The following CCDC91 variants were observed in gnomAD, a reference collection of about 807,000 sequenced individuals.
The protein encoded by CCDC91 is coiled-coil domain containing 91, also known as coiled-coil domain-containing protein 91.
In CCDC91, 48 loss-of-function variants were observed where a neutral mutation model predicts 63.2. That is an observed-to-expected ratio of 0.76 (90% CI 0.60 to 0.97). CCDC91 has a LOEUF of 0.97. CCDC91 is among the 50% of genes least tolerant of loss of function. The probability of loss-of-function intolerance (pLI) is 0.00; values close to 1 mark genes in which losing one functional copy is unlikely to be tolerated. For synonymous variants in CCDC91, 167 were observed against 165.8 expected (o/e 1.01, Z -0.06); for missense variants, 500 against 494.6 (o/e 1.01, Z -0.10).
intron 12 of CCDC91, among the ~76,000 whole-genome samples, chr12:28,531,975 T>C (rs1226397862): frequency 6.6e-6 from 1 of 152,108 alleles, no homozygotes; most frequent in Admixed American, 6.6e-5. Flanking sequence ...TGGGGTGCTC[T>C]TTTAGATAAA....
chr12:28,266,673 A>G (rs1006326194), intron 3 of CCDC91, among the ~76,000 whole-genome samples: 4 of 151,918 alleles, frequency 2.6e-5, no homozygotes, highest in African/African-American at 9.7e-5. Flanking sequence ...TATCTGTTCT[A>G]TCTGAATCTG....
chr12:28,357,034 T>C (rs1943572246), intron 6 of CCDC91, among the ~76,000 whole-genome samples: 1 of 152,218 alleles, frequency 6.6e-6, no homozygotes, highest in South Asian at 2.1e-4. Context: ...GTAGAGGTTC[T>C]ACTTGGCTTG....
intron 1 of CCDC91, among the ~76,000 whole-genome samples, chr12:28,209,047 C>T (rs2135491015): frequency 6.6e-6 from 1 of 152,120 alleles, no homozygotes; most frequent in South Asian, 2.1e-4. Context: ...ACCTCATGAT[C>T]TGCCTGCCTC....
rs566744994 is a variant in CCDC91, at chr12:28,250,424, G to A, written c.-14-6778G>A. Among the ~76,000 whole-genome samples, 18 of 152,234 alleles carry A rather than the reference G, an allele frequency of 1.2e-4. 1 individual carries two copies. The South Asian group carries it at 3.1e-3, about 26-fold the overall frequency. ...AGTTTCACTGGTAGTAGAATTCATA[G>A]TATGGCAATACTTCTTTAATTCAGC... On this transcript the variant is annotated intron_variant, in intron 1 of 12. Coordinates refer to ENST00000536442, the MANE Select transcript of CCDC91 (RefSeq NM_018318.5).
intron 3 of CCDC91, among the ~76,000 whole-genome samples, chr12:28,271,601 T>C (rs978143502): frequency 9.9e-5 from 15 of 152,040 alleles, no homozygotes; most frequent in Middle Eastern, 3.4e-3. Flanking sequence ...TTTATTGTTA[T>C]TGTTTTCTAA....
At chr12:28,255,345 T>C (rs541951262) in intron 1 of CCDC91, among the ~76,000 whole-genome samples, 2 of 152,350 alleles carry the variant, frequency 1.3e-5, no homozygotes, top group South Asian at 2.1e-4. Context: ...CATATGTAGA[T>C]GCTAAAAATT....
At chr12:28,513,577 C>T (rs1468992329) in intron 12 of CCDC91, among the ~76,000 whole-genome samples, 1 of 151,838 alleles carries the variant, frequency 6.6e-6, no homozygotes, top group African/African-American at 2.4e-5. Flanking sequence ...CACTTCTGGT[C>T]CCAAGAGGGA....
intron 6 of CCDC91, among the ~76,000 whole-genome samples, chr12:28,336,929 A>AAG (rs3037216): frequency 0.21 from 32,359 of 152,046 alleles, 4,176 homozygotes; most frequent in Non-Finnish European, 0.3. Context: ...TCACTTTAAA[A>AAG]AGTTAACTGA....
intron 1 of CCDC91, among the ~76,000 whole-genome samples, chr12:28,216,229 C>G (rs1943554114): frequency 6.6e-6 from 1 of 152,024 alleles, no homozygotes; most frequent in Admixed American, 6.6e-5. Context: ...TTATGCAGAT[C>G]ATTTAAGCTT....
intron 11 of CCDC91, among the ~76,000 whole-genome samples, chr12:28,475,461 G>C (rs1376316921): frequency 2.0e-5 from 3 of 152,064 alleles, no homozygotes; most frequent in Admixed American, 1.3e-4. Flanking sequence ...AAAATTTTTA[G>C]AGGATTAAGA....
intron 1 of CCDC91, among the ~76,000 whole-genome samples, chr12:28,209,434 T>TTTC (rs564968139): frequency 2.5e-4 from 38 of 152,200 alleles, no homozygotes; most frequent in Non-Finnish European, 4.6e-4. Context: ...TTATTTATTA[T>TTTC]TTCTTCTTCT....
chr12:28,200,429 C>A (rs1289299531), intron 1 of CCDC91, among the ~76,000 whole-genome samples: 19 of 145,858 alleles, frequency 1.3e-4, no homozygotes, highest in Admixed American at 9.5e-4. Flanking sequence ...GAGGACCCTG[C>A]GGCCTTCCGC....
chr12:28,354,259 C>T (rs10843158), intron 6 of CCDC91, among the ~76,000 whole-genome samples: 32,338 of 151,978 alleles, frequency 0.21, 4,196 homozygotes, highest in Non-Finnish European at 0.3. Context: ...GTGACTGATA[C>T]TCTTCAGCAT....
chr12:28,301,176 T>C (rs542278878), intron 3 of CCDC91, among the ~76,000 whole-genome samples: 1 of 151,742 alleles, frequency 6.6e-6, no homozygotes, highest in Admixed American at 6.6e-5. Context: ...CTTTAATCTT[T>C]TCCCATTAGT....
At chr12:28,536,608 G>T (rs895716667) in intron 12 of CCDC91, among the ~76,000 whole-genome samples, 3 of 152,082 alleles carry the variant, frequency 2.0e-5, no homozygotes, top group Non-Finnish European at 4.4e-5. Context: ...CTGTACAATG[G>T]AGATAAAATA....
At chr12:28,425,857 G>A (rs575148900) in intron 8 of CCDC91, among the ~76,000 whole-genome samples, 16 of 152,258 alleles carry the variant, frequency 1.1e-4, no homozygotes, top group Admixed American at 9.2e-4. Flanking sequence ...GGACCCATCA[G>A]TCTGTTTCAG....
At chr12:28,311,360 A>G (rs1014404948) in intron 6 of CCDC91, among the ~76,000 whole-genome samples, 10 of 152,128 alleles carry the variant, frequency 6.6e-5, no homozygotes, top group African/African-American at 2.4e-4. Flanking sequence ...TGACACAGGA[A>G]AGGAGGGAGA....
At chr12:28,318,087 G>A (rs1352293793) in intron 6 of CCDC91, among the ~76,000 whole-genome samples, 1 of 151,428 alleles carries the variant, frequency 6.6e-6, no homozygotes, top group East Asian at 1.9e-4. Flanking sequence ...TTTTTTATTA[G>A]AAAAAACTAG....
intron 12 of CCDC91, among the ~76,000 whole-genome samples, chr12:28,491,654 T>C (rs1486308244): frequency 6.6e-6 from 1 of 151,740 alleles, no homozygotes; most frequent in Non-Finnish European, 1.5e-5. Flanking sequence ...AGCCAAAGGA[T>C]TTGGTTTCTT....
Sources: allele counts gnomAD v4.1 joint callset (sites outside exome capture counted in the v4.1 genomes callset), GRCh38; gene constraint gnomAD v4.1.1; transcripts MANE v1.5; gene names NCBI Gene and HGNC (gene_info 2026-07-23, HGNC 2026-07-21).